Variants in PTPRM observed in about 807,000 individuals in gnomAD.
PTPRM encodes receptor-type tyrosine-protein phosphatase mu.
PTPRM carries 47 observed loss-of-function variants against 186.7 expected under a neutral mutation model. That is an observed-to-expected ratio of 0.25 (90% CI 0.20 to 0.32). The LOEUF (loss-of-function observed/expected upper bound fraction) is 0.32. PTPRM is among the 10% of genes least tolerant of loss of function. The pLI is 1.00. For synonymous variants in PTPRM, 668 were observed against 674.9 expected (o/e 0.99, Z 0.16); for missense variants, 1,494 against 1,865.0 (o/e 0.80, Z 3.66).
intron 2 of PTPRM, among the ~76,000 whole-genome samples, chr18:7,838,600 G>T (rs2046172217): frequency 6.6e-6 from 1 of 152,232 alleles, no homozygotes; most frequent in African/African-American, 2.4e-5. Context: ...CTCTAGAATT[G>T]CTCTGGGTCA....
At chr18:7,964,394 C>T (rs933636102) in intron 7 of PTPRM, among the ~76,000 whole-genome samples, 40 of 152,178 alleles carry the variant, frequency 2.6e-4, no homozygotes, top group Admixed American at 2.1e-3. Context: ...TCTCAACAAA[C>T]GAGTTAACCT....
chr18:7,892,896 A>G (rs930727152), intron 3 of PTPRM, among the ~76,000 whole-genome samples: 8 of 152,200 alleles, frequency 5.3e-5, no homozygotes, highest in African/African-American at 1.4e-4. Flanking sequence ...TACTCCCATC[A>G]TGAGGGCTGT....
chr18:8,330,135 C>A (rs2095403927), intron 22 of PTPRM, among the ~76,000 whole-genome samples: 1 of 152,130 alleles, frequency 6.6e-6, no homozygotes, highest in African/African-American at 2.4e-5. Flanking sequence ...CTCTTCTCCA[C>A]CCCTACCCCA....
intron 1 of PTPRM, among the ~76,000 whole-genome samples, chr18:7,632,494 C>A (rs1362301968): frequency 3.3e-5 from 5 of 152,214 alleles, no homozygotes; most frequent in African/African-American, 1.2e-4. Flanking sequence ...ATGCAAATCA[C>A]CTCCAAGAAA....
intron 14 of PTPRM, among the ~76,000 whole-genome samples, chr18:8,164,183 G>C (rs995705724): frequency 1.3e-5 from 2 of 152,186 alleles, no homozygotes; most frequent in Non-Finnish European, 2.9e-5. Flanking sequence ...TAGCCAAGAA[G>C]TCTCTTGCTT....
intron 14 of PTPRM, among the ~76,000 whole-genome samples, chr18:8,195,131 A>C (rs1389188777): frequency 6.6e-6 from 1 of 150,950 alleles, no homozygotes; most frequent in African/African-American, 2.4e-5. Context: ...GAGTTGAGTC[A>C]ATTCTCAGCT....
intron 14 of PTPRM, among the ~76,000 whole-genome samples, chr18:8,148,047 A>G (rs2092924887): frequency 6.6e-6 from 1 of 152,216 alleles, no homozygotes; most frequent in Non-Finnish European, 1.5e-5. Flanking sequence ...TCAGTTTGCC[A>G]GTATTTTATT....
At chr18:8,044,071 C>T (rs2086863437) in intron 7 of PTPRM, among the ~76,000 whole-genome samples, 1 of 152,186 alleles carries the variant, frequency 6.6e-6, no homozygotes, top group African/African-American at 2.4e-5. Context: ...CAGGCAGGCA[C>T]TCTCAGAGGG....
chr18:8,406,267 T>G lies in PTPRM; in HGVS notation c.*105T>G. ...AGACTTCTCAATATGCTTATTTTGCTTTGCATAATTGGCTCTTTTTAAGAG... is the reference window on the plus strand; with the variant it reads ...AGACTTCTCAATATGCTTATTTTGCGTTGCATAATTGGCTCTTTTTAAGAG... On this transcript the variant is annotated 3_prime_UTR_variant, in exon 33 of 33. Transcript: ENST00000580170. The G allele has an allele frequency of 1.8e-6, 2 of 1,127,992 alleles. No homozygotes were observed. The highest frequency in any genetic ancestry group is 2.6e-6 in the Non-Finnish European group (2 of 776,624). 69.9% of individuals were successfully genotyped at this position (1,127,992 alleles called of 1,614,324 possible). A position where few individuals can be genotyped will look rare whatever the true frequency, so the allele number is the denominator to read the frequency against.
At chr18:8,338,288 T>A (rs569203002) in intron 22 of PTPRM, among the ~76,000 whole-genome samples, 146 of 149,768 alleles carry the variant, frequency 9.7e-4, no homozygotes, top group Middle Eastern at 6.8e-3. Context: ...TAAAAATATA[T>A]ATATATATAT....
At chr18:8,383,554 C>T (rs145491364) in intron 29 of PTPRM, among the ~76,000 whole-genome samples, 1 of 152,216 alleles carries the variant, frequency 6.6e-6, no homozygotes, top group East Asian at 1.9e-4. Flanking sequence ...ACTCCTACTG[C>T]CCTGAGTTGT....
At chr18:8,230,342 G>A (rs532599845) in intron 14 of PTPRM, among the ~76,000 whole-genome samples, 21 of 152,322 alleles carry the variant, frequency 1.4e-4, no homozygotes, top group African/African-American at 5.1e-4. Context: ...GATACAGTTA[G>A]CGATGTTAGA....
intron 2 of PTPRM, among the ~76,000 whole-genome samples, chr18:7,781,748 A>T (rs1054035096): frequency 1.3e-5 from 2 of 152,184 alleles, no homozygotes; most frequent in African/African-American, 4.8e-5. Context: ...AACCAAGTCT[A>T]ACTTTATCAT....
chr18:7,769,876 C>T (rs945408817), intron 1 of PTPRM, among the ~76,000 whole-genome samples: 5 of 151,854 alleles, frequency 3.3e-5, no homozygotes, highest in Non-Finnish European at 5.9e-5. Context: ...TGCAGGTACA[C>T]GTGTGTGTGT....
At chr18:8,107,811 A>T (rs2091589598) in intron 11 of PTPRM, among the ~76,000 whole-genome samples, 1 of 152,214 alleles carries the variant, frequency 6.6e-6, no homozygotes, top group African/African-American at 2.4e-5. Context: ...ATTACCATTT[A>T]TCATTGATAA....
At chr18:7,721,141 C>CT (rs71165750) in intron 1 of PTPRM, among the ~76,000 whole-genome samples, 55,110 of 145,154 alleles carry the variant, frequency 0.38, 11,671 homozygotes, top group East Asian at 0.83. Flanking sequence ...TTATTATTTT[C>CT]TTTTTTTTTT....
intron 1 of PTPRM, among the ~76,000 whole-genome samples, chr18:7,761,622 A>G (rs533873955): frequency 6.6e-6 from 1 of 152,220 alleles, no homozygotes; most frequent in Admixed American, 6.5e-5. Flanking sequence ...CTTCAGGATG[A>G]GTTTTTGTTC....
At chr18:7,652,247 G>C (rs1178878433) in intron 1 of PTPRM, among the ~76,000 whole-genome samples, 5 of 152,094 alleles carry the variant, frequency 3.3e-5, no homozygotes, top group Non-Finnish European at 7.4e-5. Flanking sequence ...AAAAAGTCAG[G>C]AAACAACAGG....
chr18:8,308,447 C>T (rs970526135), intron 20 of PTPRM, among the ~76,000 whole-genome samples: 2 of 152,114 alleles, frequency 1.3e-5, no homozygotes, highest in East Asian at 3.8e-4. Flanking sequence ...GTCCTTAAAT[C>T]TAATAGCCAC....
Sources: gnomAD v4.1 joint callset for allele counts (sites outside exome capture counted in the v4.1 genomes callset) on GRCh38, gnomAD v4.1.1 for gene constraint, MANE v1.5 for transcripts, NCBI Gene and HGNC (gene_info 2026-07-23, HGNC 2026-07-21) for gene names.